The following SLIT3 variants were observed in gnomAD, a reference collection of about 807,000 sequenced individuals.
SLIT3 encodes slit guidance ligand 3.
Under a neutral mutation model 184.0 loss-of-function variants are expected in SLIT3, and 68 were observed. The ratio of observed to expected loss-of-function variants is 0.37; its 90% CI spans 0.30 to 0.45. The LOEUF (loss-of-function observed/expected upper bound fraction) is 0.45. Among genes scored for constraint, SLIT3 ranks in the 20% least tolerant of loss-of-function variants. The pLI is 1.00. For synonymous variants in SLIT3, 831 were observed against 828.6 expected, an observed-to-expected ratio of 1.00 and a Z score of -0.05; for missense variants, 1,707 against 2,026.0, an observed-to-expected ratio of 0.84 and a Z score of 3.02.
At chr5:168,911,815 T>G (rs1409160554) in intron 4 of SLIT3, among the ~76,000 whole-genome samples, 2 of 152,226 alleles carry the variant, frequency 1.3e-5, no homozygotes. Context: ...TCAATTATCT[T>G]AGAGAGTCTT....
chr5:168,972,336 CATGTGTGT>C (rs1326933572), intron 4 of SLIT3, among the ~76,000 whole-genome samples: 1 of 39,778 alleles, frequency 2.5e-5, no homozygotes, highest in Non-Finnish European at 4.1e-5. Context: ...TGCAGGACAA[CATGTGTGT>C]GTGTGTGTGT....
chr5:168,947,420 A>AG (rs1451532231), intron 4 of SLIT3, among the ~76,000 whole-genome samples: 4 of 152,130 alleles, frequency 2.6e-5, no homozygotes, highest in African/African-American at 9.7e-5. Context: ...CCACTCCCCC[A>AG]GGCCCCTGCT....
intron 21 of SLIT3, among the ~76,000 whole-genome samples, chr5:168,723,430 T>C (rs1581006536): frequency 6.6e-6 from 1 of 150,636 alleles, no homozygotes; most frequent in East Asian, 2.0e-4. Context: ...TATTCAATCA[T>C]TCAAGCAACT....
chr5:168,883,216 G>C (rs766971592), intron 5 of SLIT3, 49 bp downstream of exon 5: 3 of 1,492,408 alleles, frequency 2.0e-6, no homozygotes, highest in Admixed American at 1.7e-5. Flanking sequence ...TCTGGTCAGA[G>C]AGCCCAAGTT....
chr5:168,868,170 G>A (rs1759375612), intron 5 of SLIT3, among the ~76,000 whole-genome samples: 1 of 152,188 alleles, frequency 6.6e-6, no homozygotes, highest in Admixed American at 6.5e-5. Flanking sequence ...TAAACTCTGT[G>A]TGCATCAATG....
At chr5:168,868,119 C>T (rs1759373897) in intron 5 of SLIT3, among the ~76,000 whole-genome samples, 1 of 152,168 alleles carries the variant, frequency 6.6e-6, no homozygotes, top group South Asian at 2.1e-4. Context: ...CCCAAAACTC[C>T]TTCTCCTCTA....
intron 4 of SLIT3, among the ~76,000 whole-genome samples, chr5:169,056,825 G>A (rs966816301): frequency 5.9e-5 from 9 of 152,166 alleles, no homozygotes; most frequent in Non-Finnish European, 8.8e-5. Context: ...TAGCAGGGGA[G>A]GTGGCCCAGG....
At chr5:169,144,212 C>T (rs144771720) in intron 4 of SLIT3, among the ~76,000 whole-genome samples, 38 of 152,336 alleles carry the variant, frequency 2.5e-4, no homozygotes, top group African/African-American at 8.2e-4. Flanking sequence ...AGGTCACACT[C>T]GTTCCTGTCT....
intron 4 of SLIT3, chr5:169,120,182 T>G (rs754482893): frequency 1.3e-5 from 2 of 152,226 alleles, no homozygotes; most frequent in East Asian, 1.9e-4. Context: ...ATCTTGATAT[T>G]TGGTCAGAGT....
chr5:168,771,986 A>T (rs1755566538), intron 14 of SLIT3, among the ~76,000 whole-genome samples: 1 of 151,904 alleles, frequency 6.6e-6, no homozygotes, highest in African/African-American at 2.4e-5. Flanking sequence ...CAGTTTGGTG[A>T]TTTTTTTTCC....
intron 32 of SLIT3, among the ~76,000 whole-genome samples, chr5:168,677,867 A>G (rs1290819661): frequency 6.6e-6 from 1 of 152,168 alleles, no homozygotes; most frequent in East Asian, 1.9e-4. Context: ...TGTGGCAGCA[A>G]CTGGGGTGGG....
chr5:168,724,441 A>C lies in SLIT3; in HGVS notation c.2314T>G (p.Ser772Ala), dbSNP rs1763041957. Residue 772 changes from serine (S) to alanine (A), a missense_variant, in exon 21 of 36, where the codon TCC (serine) becomes GCC (alanine). This residue lies in a region of SLIT3 where 1,307 missense variants were observed against 1,511.6 expected (regional missense o/e 0.86). Transcript: ENST00000519560. ...ATAAGCGTCAGGTGTCGGAGGGCGG[A>C]CAGCTCTCTGGGCACGGCTGTTAGG... ...NHLTAVPREL[S>A]ALRHLTLIDL... 1.2e-6 allele frequency: 2 copies of C among 1,613,002 alleles called. No individual in the cohort carries two copies. Among genetic ancestry groups the C allele is most frequent in the Non-Finnish European group, 1.7e-6 (2 of 1,179,396 alleles).
chr5:168,804,947 C>T (rs188612289), intron 9 of SLIT3, among the ~76,000 whole-genome samples: 16 of 152,322 alleles, frequency 1.1e-4, no homozygotes, highest in Admixed American at 2.0e-4. Context: ...CCCACTCCAG[C>T]GTCAGGGCCT....
At chr5:168,781,227 T>A (rs1755960013) in intron 12 of SLIT3, among the ~76,000 whole-genome samples, 1 of 152,206 alleles carries the variant, frequency 6.6e-6, no homozygotes, top group African/African-American at 2.4e-5. Context: ...GGGAAACAGA[T>A]GAAAGCTGAG....
At chr5:169,034,195 G>A (rs912001382) in intron 4 of SLIT3, among the ~76,000 whole-genome samples, 1 of 152,012 alleles carries the variant, frequency 6.6e-6, no homozygotes, top group Non-Finnish European at 1.5e-5. Flanking sequence ...CAACCCATAA[G>A]CTGTTTCATT....
intron 4 of SLIT3, among the ~76,000 whole-genome samples, chr5:168,996,937 G>T (rs1755533039): frequency 6.6e-6 from 1 of 152,152 alleles, no homozygotes. Flanking sequence ...TTACATTCAG[G>T]ATCCTTTCAG....
chr5:168,802,644 C>A (rs1581098372), intron 9 of SLIT3, among the ~76,000 whole-genome samples: 1 of 152,162 alleles, frequency 6.6e-6, no homozygotes, highest in South Asian at 2.1e-4. Flanking sequence ...TCAACCATAA[C>A]CCTTCAAAGA....
chr5:168,785,844 G>A (rs1018843149), intron 12 of SLIT3, 63 bp downstream of exon 12: 19 of 1,231,526 alleles, frequency 1.5e-5, no homozygotes, highest in South Asian at 4.8e-5. Context: ...ATGGCTCAAC[G>A]TTTTCAGGTG....
chr5:169,264,091 A>G (rs1488879760), intron 1 of SLIT3, among the ~76,000 whole-genome samples: 1 of 152,160 alleles, frequency 6.6e-6, no homozygotes, highest in South Asian at 2.1e-4. Flanking sequence ...AAAGGAGTCC[A>G]GTTAACCTAA....
Sources: gnomAD v4.1 joint callset for allele counts (sites outside exome capture counted in the v4.1 genomes callset) on GRCh38, gnomAD v4.1.1 for gene constraint, gnomAD v4.1.1 regional missense constraint, MANE v1.5 for transcripts, NCBI Gene and HGNC (gene_info 2026-07-23, HGNC 2026-07-21) for gene names.